Variants in SRSF11 observed in about 807,000 individuals in gnomAD.
SRSF11 encodes serine/arginine-rich splicing factor 11.
Under a neutral mutation model 56.0 loss-of-function variants are expected in SRSF11, and 9 were observed. The observed-to-expected ratio is 0.16, with a 90% CI of 0.10 to 0.28. The LOEUF is 0.28. Among genes scored for constraint, SRSF11 ranks in the 10% least tolerant of loss-of-function variants. SRSF11 has a pLI of 1.00. For missense variants in SRSF11, 421 were observed against 600.7 expected (o/e 0.70, Z 3.13); for synonymous variants, 222 against 215.3 (o/e 1.03, Z -0.27).
intron 2 of SRSF11, 64 bp from the exon 3 acceptor site, chr1:70,232,204 G>C: frequency 1.2e-6 from 2 of 1,612,464 alleles, no homozygotes; most frequent in Non-Finnish European, 1.7e-6. Flanking sequence ...CATTTTCTGG[G>C]TGTTTTTGTG....
At chr1:70,233,532 G>A (rs1438035879) in intron 3 of SRSF11, among the ~76,000 whole-genome samples, 1 of 152,184 alleles carries the variant, frequency 6.6e-6, no homozygotes, top group African/African-American at 2.4e-5. Flanking sequence ...GAGCCACCGC[G>A]CCCAGTCCAG....
At chr1:70,221,937 C>G (rs1270341849) in intron 1 of SRSF11, 98 bp downstream of exon 1, 1 of 1,518,574 alleles carries the variant, frequency 6.6e-7, no homozygotes, top group Non-Finnish European at 8.8e-7. Context: ...TTCCCCGGGC[C>G]AGGCTGCTTG....
In SRSF11 at chr1:70,249,990, C is replaced by G. The variant is rs750684163; in HGVS notation, c.1061C>G (p.Ser354Cys). Residue 354 changes from serine to cysteine, a missense_variant, in exon 10 of 12, where the codon TCT becomes TGT. Transcript: ENST00000370949. Reference sequence around the variant, plus strand: ...CGAAGAAGCAGGAGTGGCACAAGATCTCCTAAAAAGCCTCGGTCTCCTAAA... The same window carrying G: ...CGAAGAAGCAGGAGTGGCACAAGATGTCCTAAAAAGCCTCGGTCTCCTAAA... ...RRRRSRSGTRSPKKPRSPKRK... is the reference protein window; with the variant it reads ...RRRRSRSGTRCPKKPRSPKRK... The G allele has an allele frequency of 6.2e-7, 1 of 1,614,142 alleles. No individual in the cohort carries two copies. The highest frequency in any genetic ancestry group is 8.5e-7 in the Non-Finnish European group (1 of 1,180,014).
chr1:70,249,235 G>A (rs1677437370), intron 9 of SRSF11: 1 of 152,114 alleles, frequency 6.6e-6, no homozygotes. Context: ...TGATTTAAAG[G>A]TGAATGTGGG....
At chr1:70,215,586 G>A (rs1379754964) in intron 1 of SRSF11, among the ~76,000 whole-genome samples, 2 of 152,118 alleles carry the variant, frequency 1.3e-5, no homozygotes, top group African/African-American at 4.8e-5. Flanking sequence ...ATTTGCTTGG[G>A]GGTGGAGGGA....
chr1:70,228,988 T>C, intron 2 of SRSF11: 1 of 982,736 alleles, frequency 1.0e-6, no homozygotes, highest in Non-Finnish European at 1.2e-6. Flanking sequence ...TTCCTCACAT[T>C]GATAATCTGG....
intron 9 of SRSF11, chr1:70,248,685 C>A (rs944010944): frequency 6.6e-6 from 1 of 151,674 alleles, no homozygotes; most frequent in Non-Finnish European, 1.5e-5. Flanking sequence ...TTACCTGTTG[C>A]TTTATATAAT....
At position 70,221,611 on chromosome 1, in the gene SRSF11, G is replaced by T. The variant is rs373089052; in HGVS notation, c.-26G>T. The T allele has an allele frequency of 6.3e-7, 1 of 1,599,034 alleles. No individual in the cohort carries two copies. On this transcript the variant is annotated 5_prime_UTR_variant, in exon 1 of 12. Coordinates refer to ENST00000370949, the MANE Select transcript of SRSF11 (RefSeq NM_001350605.2). ...TTTGTTGTGTGTTTGATGTGTTAAA[G>T]CAGGAGCGAGAACCCGAGCAGCGCC...
At chr1:70,247,097 C>T in intron 9 of SRSF11, 190 bp downstream of exon 9, 1 of 1,145,790 alleles carries the variant, frequency 8.7e-7, no homozygotes, top group Non-Finnish European at 1.1e-6. Flanking sequence ...TTTCTTTTTA[C>T]TTAATATTTT....
rs1678125652 is a variant in SRSF11 at position 70,252,800 on chromosome 1, C to A, written c.*1995C>A. 1.3e-5 allele frequency: 2 copies of A among 152,148 alleles called. No individual in the cohort carries two copies. Among genetic ancestry groups the A allele is most frequent in the Admixed American group, 1.3e-4 (2 of 15,270 alleles). The allele number at this position is 152,148 out of a possible 1,614,324, so 9.4% of individuals were successfully genotyped here. On this transcript the variant is annotated 3_prime_UTR_variant, in exon 12 of 12. Transcript: ENST00000370949. Reference sequence around the variant, plus strand: ...TTCCCTCACTTGTAATCTCTGAATACAAATATACTAGCTTTTCTAAAGGGA... The same window carrying A: ...TTCCCTCACTTGTAATCTCTGAATAAAAATATACTAGCTTTTCTAAAGGGA...
At chr1:70,229,751 C>T in intron 2 of SRSF11, 1 of 984,260 alleles carries the variant, frequency 1.0e-6, no homozygotes, top group Non-Finnish European at 1.2e-6. Flanking sequence ...TGTGAAATGT[C>T]TAGTCCTTAA....
At chr1:70,243,524 T>C (rs1676034389) in intron 7 of SRSF11, among the ~76,000 whole-genome samples, 1 of 152,128 alleles carries the variant, frequency 6.6e-6, no homozygotes, top group Non-Finnish European at 1.5e-5. Context: ...CCTTGACTGC[T>C]GAAGTAACAA....
intron 6 of SRSF11, among the ~76,000 whole-genome samples, chr1:70,238,946 A>G (rs1255949530): frequency 6.6e-6 from 1 of 152,230 alleles, no homozygotes; most frequent in Non-Finnish European, 1.5e-5. Context: ...TTTGCAATTT[A>G]TAGTATTTCA....
chr1:70,227,983 T>C (rs1485671276), intron 1 of SRSF11, among the ~76,000 whole-genome samples: 1 of 152,210 alleles, frequency 6.6e-6, no homozygotes, highest in African/African-American at 2.4e-5. Flanking sequence ...GATTATTGAG[T>C]ACATGTTCGT....
chr1:70,229,834 A>T, intron 2 of SRSF11: 1 of 983,354 alleles, frequency 1.0e-6, no homozygotes, highest in Non-Finnish European at 1.2e-6. Flanking sequence ...GTTATGTAAT[A>T]GTACCTCTGT....
intron 1 of SRSF11, among the ~76,000 whole-genome samples, chr1:70,226,351 G>A (rs767608804): frequency 6.6e-6 from 1 of 152,034 alleles, no homozygotes; most frequent in Non-Finnish European, 1.5e-5. Context: ...TATTTAATCT[G>A]TACCCTACCA....
chr1:70,234,750 G>C lies in SRSF11; in HGVS notation c.502G>C (p.Ala168Pro). The change falls in exon 4 of 12, where the codon GCT (alanine) becomes CCT (proline). Residue 168 changes from alanine to proline, a missense_variant. Physicochemically the swap from Ala to Pro is conservative, Grantham distance 27. Coordinates refer to ENST00000370949, the MANE Select transcript of SRSF11 (RefSeq NM_001350605.2). Reference protein sequence around the residue: ...LGAPTLDPALAALGLPGANLN... With the variant: ...LGAPTLDPALPALGLPGANLN... ...GGCTCCTACTCTTGATCCTGCCCTTGCTGCACTTGGGCTTCCTGGAGCAAA... is the reference window on the plus strand; with the variant it reads ...GGCTCCTACTCTTGATCCTGCCCTTCCTGCACTTGGGCTTCCTGGAGCAAA... The C allele has an allele frequency of 6.2e-7, 1 of 1,610,728 alleles. No homozygotes were observed. Among genetic ancestry groups the C allele is most frequent in the Non-Finnish European group, 8.5e-7 (1 of 1,178,300 alleles).
intron 1 of SRSF11, among the ~76,000 whole-genome samples, chr1:70,214,902 T>G (rs984873518): frequency 9.4e-5 from 14 of 148,592 alleles, no homozygotes; most frequent in Middle Eastern, 3.4e-3. Flanking sequence ...AAGTTTTTTT[T>G]TTTTTTTTTT....
upstream of SRSF11, among the ~76,000 whole-genome samples, chr1:70,220,528 C>T (rs934521622): frequency 6.6e-6 from 1 of 152,168 alleles, no homozygotes; most frequent in Non-Finnish European, 1.5e-5. Context: ...TATTTAAGTA[C>T]TATAAACTGT....
Sources: allele counts gnomAD v4.1 joint callset (sites outside exome capture counted in the v4.1 genomes callset), GRCh38; gene constraint gnomAD v4.1.1; transcripts MANE v1.5; gene names NCBI Gene and HGNC (gene_info 2026-07-23, HGNC 2026-07-21).